IGSF11: variants seen among roughly 807,000 people sequenced by gnomAD.
The protein encoded by IGSF11 is immunoglobulin superfamily member 11.
In IGSF11, 22 loss-of-function variants were observed where a neutral mutation model predicts 41.0. That is an observed-to-expected ratio of 0.54 (90% CI 0.38 to 0.77). The LOEUF (loss-of-function observed/expected upper bound fraction) is 0.77. IGSF11 is among the 30% of genes least tolerant of loss of function. IGSF11 has a pLI of 0.00. For synonymous variants in IGSF11, 219 were observed against 201.3 expected (o/e 1.09, Z -0.74); for missense variants, 444 against 530.8 (o/e 0.84, Z 1.61).
chr3:119,001,109 G>T (rs542364734), intron 1 of IGSF11, among the ~76,000 whole-genome samples: 6 of 151,958 alleles, frequency 3.9e-5, no homozygotes. Flanking sequence ...CCTTCCCCTA[G>T]ATGTCTGCAT....
intron 1 of IGSF11, among the ~76,000 whole-genome samples, chr3:119,091,345 A>G (rs974223574): frequency 1.3e-5 from 2 of 152,242 alleles, no homozygotes; most frequent in Non-Finnish European, 2.9e-5. Context: ...CAGCAATCCT[A>G]TTACTGTGTA....
chr3:118,957,514 A>G (rs1333289248), intron 1 of IGSF11, among the ~76,000 whole-genome samples: 1 of 152,186 alleles, frequency 6.6e-6, no homozygotes, highest in Non-Finnish European at 1.5e-5. Context: ...ATGTGTCGAC[A>G]TAGAGTTGTT....
intron 5 of IGSF11, 123 bp from the exon 6 acceptor site, chr3:118,904,921 A>C: frequency 5.3e-6 from 4 of 761,668 alleles, no homozygotes; most frequent in Non-Finnish European, 8.0e-6. Flanking sequence ...AAAACTCTCT[A>C]AAATCTTTCA....
At chr3:118,938,764 A>C (rs1345049337) in intron 1 of IGSF11, among the ~76,000 whole-genome samples, 1 of 152,052 alleles carries the variant, frequency 6.6e-6, no homozygotes, top group East Asian at 1.9e-4. Context: ...AAGATAATAT[A>C]GTTTGGGAAA....
At chr3:118,940,827 C>A (rs1472420493) in intron 1 of IGSF11, among the ~76,000 whole-genome samples, 1 of 144,112 alleles carries the variant, frequency 6.9e-6, no homozygotes, top group Non-Finnish European at 1.5e-5. Flanking sequence ...TGATTTCCAA[C>A]AAAGTTGTCA....
At chr3:119,137,466 C>T (rs1399129428) in intron 1 of IGSF11, among the ~76,000 whole-genome samples, 5 of 152,018 alleles carry the variant, frequency 3.3e-5, no homozygotes, top group Non-Finnish European at 4.4e-5. Flanking sequence ...ACATACATTG[C>T]GGAAAGGACA....
chr3:118,936,068 G>A (rs959176093), intron 1 of IGSF11, among the ~76,000 whole-genome samples: 3 of 151,834 alleles, frequency 2.0e-5, no homozygotes, highest in African/African-American at 7.3e-5. Flanking sequence ...TAAGAAGGAG[G>A]GAAATGGGTG....
At chr3:119,052,605 A>C (rs1172271814) in intron 1 of IGSF11, among the ~76,000 whole-genome samples, 1 of 152,152 alleles carries the variant, frequency 6.6e-6, no homozygotes, top group Non-Finnish European at 1.5e-5. Context: ...CTATTCCAAA[A>C]GACAGAGAAA....
chr3:118,982,149 T>G (rs1158887796), intron 1 of IGSF11, among the ~76,000 whole-genome samples: 1 of 152,122 alleles, frequency 6.6e-6, no homozygotes, highest in African/African-American at 2.4e-5. Flanking sequence ...AGTTAGACAC[T>G]TAGGTTAGAC....
At chr3:119,087,631 G>A (rs1289788145) in intron 1 of IGSF11, among the ~76,000 whole-genome samples, 1 of 152,072 alleles carries the variant, frequency 6.6e-6, no homozygotes, top group Non-Finnish European at 1.5e-5. Context: ...GGGAAAGGGT[G>A]GGGGATGGCA....
intron 1 of IGSF11, among the ~76,000 whole-genome samples, chr3:119,099,082 GA>G (rs2076900324): frequency 2.0e-5 from 3 of 151,946 alleles, no homozygotes; most frequent in African/African-American, 4.8e-5. Context: ...GAAAATTGGG[GA>G]AAAAAAGGTC....
chr3:119,137,760 A>C (rs2077582290), intron 1 of IGSF11, among the ~76,000 whole-genome samples: 1 of 152,188 alleles, frequency 6.6e-6, no homozygotes, highest in African/African-American at 2.4e-5. Context: ...GAAACAATGA[A>C]GTGAATAGAC....
intron 4 of IGSF11, among the ~76,000 whole-genome samples, chr3:118,923,853 A>G (rs1576378958): frequency 6.6e-6 from 1 of 152,362 alleles, no homozygotes; most frequent in East Asian, 1.9e-4. Context: ...ATTAGGAGGT[A>G]CGTGATAGCA....
intron 1 of IGSF11, among the ~76,000 whole-genome samples, chr3:119,026,066 C>T (rs1043921851): frequency 6.6e-6 from 1 of 152,016 alleles, no homozygotes; most frequent in Non-Finnish European, 1.5e-5. Context: ...GTCAGGAGTT[C>T]GAGACCAGCC....
Position 118,928,491 on chromosome 3 carries a change from G to C in IGSF11, c.424+18C>G. The C allele has an allele frequency of 6.2e-7, 1 of 1,602,162 alleles. No individual in the cohort carries two copies. The highest frequency in any genetic ancestry group is 8.5e-7 in the Non-Finnish European group (1 of 1,170,774). ...CGTGAGTAAAGCCCGAACAGCCAAG[G>C]ACTCTTGTGTCACTCACCTAACACT... On this transcript the variant is annotated intron_variant, in intron 3 of 6. Transcript: ENST00000393775.
chr3:118,962,090 C>T (rs1945374509), intron 1 of IGSF11, among the ~76,000 whole-genome samples: 1 of 152,134 alleles, frequency 6.6e-6, no homozygotes, highest in African/African-American at 2.4e-5. Flanking sequence ...CTGTCTCTGA[C>T]CCATATATGT....
At chr3:118,965,939 A>G (rs1351414156) in intron 1 of IGSF11, among the ~76,000 whole-genome samples, 1 of 151,994 alleles carries the variant, frequency 6.6e-6, no homozygotes, top group African/African-American at 2.4e-5. Flanking sequence ...CTGGGTATGG[A>G]GCAGTTCATA....
rs756967137 is a variant in IGSF11, at chr3:118,928,682, C to T, written c.251G>A (p.Gly84Asp). The T allele has an allele frequency of 6.2e-7, 1 of 1,613,912 alleles. No individual in the cohort carries two copies. Residue 84 changes from glycine to aspartate, a missense_variant, in exon 3 of 7, where the codon GGT becomes GAT. By Grantham distance (94) the Gly-to-Asp change is moderately conservative. Coordinates refer to ENST00000393775, the MANE Select transcript of IGSF11 (RefSeq NM_001015887.3). The part of the protein sequence containing the change: ...ILYQGGQMFD[G>D]APRFHGRVGF... Reference sequence around the variant, plus strand: ...TACCCTACCGTGGAACCGGGGGGCACCATCAAACATCTGTCCACCCTGATA... The same window carrying T: ...TACCCTACCGTGGAACCGGGGGGCATCATCAAACATCTGTCCACCCTGATA...
At chr3:119,057,129 T>G (rs771803349) in intron 1 of IGSF11, among the ~76,000 whole-genome samples, 5 of 152,048 alleles carry the variant, frequency 3.3e-5, no homozygotes, top group East Asian at 3.9e-4. Flanking sequence ...CCAGGGCAAT[T>G]AGGCAGGAGA....
Sources: allele counts gnomAD v4.1 joint callset (sites outside exome capture counted in the v4.1 genomes callset), GRCh38; gene constraint gnomAD v4.1.1; transcripts MANE v1.5; gene names NCBI Gene and HGNC (gene_info 2026-07-23, HGNC 2026-07-21).